Variants in CSDE1 observed in about 807,000 individuals in gnomAD.
The protein encoded by CSDE1 is cold shock domain-containing protein E1.
Under a neutral mutation model 89.3 loss-of-function variants are expected in CSDE1, and 17 were observed. That is an observed-to-expected ratio of 0.19 (90% CI 0.13 to 0.29). CSDE1 has a LOEUF of 0.29. Ranked by LOEUF, CSDE1 falls within the 10% of genes least tolerant of loss-of-function variation. CSDE1 has a pLI of 1.00. For synonymous variants in CSDE1, 322 were observed against 332.8 expected, an observed-to-expected ratio of 0.97 and a Z score of 0.35; for missense variants, 672 against 984.2, an observed-to-expected ratio of 0.68 and a Z score of 4.24.
intron 16 of CSDE1, among the ~76,000 whole-genome samples, chr1:114,721,824 G>A (rs1045562810): frequency 6.7e-6 from 1 of 150,026 alleles, no homozygotes; most frequent in Non-Finnish European, 1.5e-5. Context: ...GGGCTCAAGT[G>A]ATCTGCCCAC....
intron 12 of CSDE1, among the ~76,000 whole-genome samples, chr1:114,728,000 AACT>A (rs1181541917): frequency 6.6e-6 from 1 of 152,172 alleles, no homozygotes; most frequent in Non-Finnish European, 1.5e-5. Context: ...CCTCATTACA[AACT>A]ACGATATATT....
intron 9 of CSDE1, among the ~76,000 whole-genome samples, chr1:114,733,240 A>G (rs777194770): frequency 6.6e-6 from 1 of 152,108 alleles, no homozygotes; most frequent in Non-Finnish European, 1.5e-5. Flanking sequence ...AAAAAAATAC[A>G]TATTTGGCTG....
At position 114,726,374 on chromosome 1, in the gene CSDE1, T is replaced by A; in HGVS notation, c.1477A>T (p.Ile493Phe). 6.2e-7 allele frequency: 1 copy of A among 1,608,266 alleles called. No homozygotes were observed. Among genetic ancestry groups the A allele is most frequent in the Non-Finnish European group, 8.5e-7 (1 of 1,177,916 alleles). The stretch of plus-strand genomic sequence containing the variant: ...TGTCCAGGCCTCTGTTTGTCACTAA[T>A]ACTAAATTCAACCTGTGAAAATTAA... ...PQIGDKVEFSISDKQRPGQQV... is the reference protein window; with the variant it reads ...PQIGDKVEFSFSDKQRPGQQV... Residue 493 changes from isoleucine to phenylalanine, a missense_variant, in exon 14 of 20, where the codon ATT becomes TTT. Coordinates refer to ENST00000358528, the MANE Select transcript of CSDE1 (RefSeq NM_001007553.3).
intron 19 of CSDE1, 46 bp from the exon 20 acceptor site, chr1:114,718,262 G>T: frequency 1.4e-6 from 2 of 1,386,360 alleles, no homozygotes; most frequent in Admixed American, 1.8e-5. Flanking sequence ...TGATTTGAGC[G>T]CACAACAATC....
chr1:114,730,489 T>A lies in CSDE1; in HGVS notation c.1191+19A>T, dbSNP rs1660042346. ...AAGCATCAAGAAACACCTCCCAACT[T>A]TTCTCAGAAACAACTCACAGGAACC... On this transcript the variant is annotated intron_variant, in intron 11 of 19. Transcript: ENST00000358528. The A allele has an allele frequency of 1.9e-6, 3 of 1,612,492 alleles. No individual in the cohort carries two copies. The African/African-American group carries it at 4.0e-5, about 22-fold the overall frequency.
chr1:114,740,848 C>A (rs941440899), intron 2 of CSDE1, among the ~76,000 whole-genome samples: 2 of 152,284 alleles, frequency 1.3e-5, no homozygotes, highest in East Asian at 1.9e-4. Flanking sequence ...ATGTTTTAGA[C>A]CCTTTCACTG....
chr1:114,730,228 C>T (rs1351237752), intron 12 of CSDE1, 30 bp downstream of exon 12: 2 of 1,604,886 alleles, frequency 1.2e-6, no homozygotes, highest in Admixed American at 1.7e-5. Flanking sequence ...TAAACAGCTA[C>T]AAAAATCATT....
At chr1:114,757,171 A>T (rs1200299277) in intron 1 of CSDE1, among the ~76,000 whole-genome samples, 2 of 152,136 alleles carry the variant, frequency 1.3e-5, no homozygotes, top group East Asian at 3.9e-4. Flanking sequence ...CTTTCTCAAG[A>T]CGCCGAAGGG....
chr1:114,721,833 AC>A (rs933718124), intron 16 of CSDE1, among the ~76,000 whole-genome samples: 1 of 144,110 alleles, frequency 6.9e-6, no homozygotes, highest in Non-Finnish European at 1.5e-5. Context: ...TGATCTGCCC[AC>A]CTTGGCCTCC....
chr1:114,751,302 TG>T (rs1661294703), intron 1 of CSDE1, among the ~76,000 whole-genome samples: 1 of 152,208 alleles, frequency 6.6e-6, no homozygotes, highest in African/African-American at 2.4e-5. Context: ...AGTTACAAAA[TG>T]GTGTTAACGA....
rs1165538094 is a variant in CSDE1 at position 114,743,129 on chromosome 1, ATGTT to A, written c.1-3243_1-3240del. 5.3e-5 allele frequency among the ~76,000 whole-genome samples: 8 copies of A among 152,038 alleles called. No homozygotes were observed. The East Asian group carries it at 7.7e-4, about 15-fold the overall frequency. Reference sequence around the variant, plus strand: ...GGGACTTTCAAGCTGTGCTTCTTTCATGTTTGTTTGTTTATTTAATTAATTAATT... The same window carrying A: ...GGGACTTTCAAGCTGTGCTTCTTTCATGTTTGTTTATTTAATTAATTAATT... On this transcript the variant is annotated intron_variant, in intron 2 of 19. Coordinates refer to ENST00000358528, the MANE Select transcript of CSDE1 (RefSeq NM_001007553.3).
At position 114,718,255 on chromosome 1, in the gene CSDE1, T is replaced by G; in HGVS notation, c.2350-39A>C. On this transcript the variant is annotated intron_variant, in intron 19 of 19. Coordinates refer to ENST00000358528, the MANE Select transcript of CSDE1 (RefSeq NM_001007553.3). ...AAAAAAAAAACCCTGCAGTTAATGA[T>G]TTGAGCGCACAACAATCATAGTACA... is the stretch of plus-strand genomic sequence containing the variant. The G allele has an allele frequency of 1.9e-6, 3 of 1,593,356 alleles. No individual in the cohort carries two copies. The South Asian group carries it at 3.4e-5, about 18-fold the overall frequency.
chr1:114,732,663 C>G lies in CSDE1; in HGVS notation c.991G>C (p.Ala331Pro). 1 of 1,614,178 alleles carries G rather than the reference C, an allele frequency of 6.2e-7. No individual in the cohort carries two copies. Among genetic ancestry groups the G allele is most frequent in the Non-Finnish European group, 8.5e-7 (1 of 1,180,026 alleles). The change falls in exon 10 of 20, where the codon GCA becomes CCA. Residue 331 changes from alanine (A) to proline (P), a missense_variant. Physicochemically the swap from Ala to Pro is conservative, Grantham distance 27. Around this residue, in one of 8 missense-constraint regions of CSDE1, gnomAD observed 169 missense variants for 262.9 expected, o/e 0.64. Transcript: ENST00000358528. ...STDRRDKLER[A>P]TNIEVLSNTF... ...TTTGACAGAACTTCTATATTGGTTG[C>G]TCGCTCTAATTTGTCACGTCGGTCT...
chr1:114,734,810 G>T (rs1044894443), intron 6 of CSDE1, among the ~76,000 whole-genome samples: 1 of 152,166 alleles, frequency 6.6e-6, no homozygotes, highest in East Asian at 1.9e-4. Context: ...ATGGGTGCGT[G>T]ATGTTCTACT....
chr1:114,736,906 G>A (rs1196577667), intron 5 of CSDE1, 51 bp from the exon 6 acceptor site: 1 of 1,369,232 alleles, frequency 7.3e-7, no homozygotes, highest in East Asian at 2.3e-5. Flanking sequence ...CATATTCACT[G>A]TATACTGTGA....
chr1:114,738,294 T>A (rs928774662), intron 3 of CSDE1, among the ~76,000 whole-genome samples: 1 of 152,178 alleles, frequency 6.6e-6, no homozygotes, highest in African/African-American at 2.4e-5. Flanking sequence ...AGTATAGCAA[T>A]CTGTGTTTTA....
In CSDE1 at chr1:114,716,922, C is replaced by T. The variant is rs1474964933; in HGVS notation, c.*1247G>A. The T allele has an allele frequency of 6.5e-6, 1 of 152,722 alleles. No individual in the cohort carries two copies. Among genetic ancestry groups the T allele is most frequent in the Non-Finnish European group, 1.5e-5 (1 of 68,102 alleles). 9.5% of individuals were successfully genotyped at this position (152,722 alleles called of 1,614,324 possible). ...TAATGAAAGCGCTAGGTGCTAGTGTCTCAAAAATCAGTAAAACTTTATTCG... is the reference window on the plus strand; with the variant it reads ...TAATGAAAGCGCTAGGTGCTAGTGTTTCAAAAATCAGTAAAACTTTATTCG... On this transcript the variant is annotated 3_prime_UTR_variant, in exon 20 of 20. Coordinates refer to ENST00000358528, the MANE Select transcript of CSDE1 (RefSeq NM_001007553.3).
rs1336563188 is a variant in CSDE1 at position 114,736,768 on chromosome 1, T to C, written c.490A>G (p.Asn164Asp). 2 of 1,608,264 alleles carry C rather than the reference T, an allele frequency of 1.2e-6. No homozygotes were observed. Among genetic ancestry groups the C allele is most frequent in the Non-Finnish European group, 8.5e-7 (1 of 1,176,128 alleles). Reference sequence around the variant, plus strand: ...AAAAAAAGAACTTACTGTTTATTGTTATCAATTACAAAGTTTATTTTATCT... The same window carrying C: ...AAAAAAAGAACTTACTGTTTATTGTCATCAATTACAAAGTTTATTTTATCT... ...TGDKINFVID[N>D]NKHTGAVSAR... is the part of the protein sequence containing the mutation. The change falls in exon 6 of 20, where the codon AAC becomes GAC. Residue 164 changes from asparagine to aspartate, a missense_variant. Physicochemically the swap from Asn to Asp is conservative, Grantham distance 23. Around this residue, in one of 8 missense-constraint regions of CSDE1, gnomAD observed 124 missense variants for 138.7 expected, o/e 0.89. Coordinates refer to ENST00000358528, the MANE Select transcript of CSDE1 (RefSeq NM_001007553.3).
chr1:114,741,323 A>G (rs1275198651), intron 2 of CSDE1, among the ~76,000 whole-genome samples: 1 of 152,228 alleles, frequency 6.6e-6, no homozygotes, highest in Non-Finnish European at 1.5e-5. Flanking sequence ...CCAAGGTGAT[A>G]ATAATGCTTC....
Sources: gnomAD v4.1 joint callset for allele counts (sites outside exome capture counted in the v4.1 genomes callset) on GRCh38, gnomAD v4.1.1 for gene constraint, gnomAD v4.1.1 regional missense constraint, MANE v1.5 for transcripts, NCBI Gene and HGNC (gene_info 2026-07-23, HGNC 2026-07-21) for gene names.